ADK: variants seen among roughly 807,000 people sequenced by gnomAD.
ADK encodes adenosine kinase.
A neutral mutation model predicts 44.7 loss-of-function variants in ADK; 24 were observed. The observed-to-expected ratio is 0.54, with a 90% CI of 0.39 to 0.76. The LOEUF is 0.76. Among genes scored for constraint, ADK ranks in the 30% least tolerant of loss-of-function variants. ADK has a pLI of 0.00. For missense variants in ADK, 321 were observed against 425.1 expected (o/e 0.76, Z 2.15); for synonymous variants, 128 against 142.6 (o/e 0.90, Z 0.73).
chr10:74,191,135 C>G (rs1842939893), intron 1 of ADK, among the ~76,000 whole-genome samples: 1 of 152,020 alleles, frequency 6.6e-6, no homozygotes, highest in Non-Finnish European at 1.5e-5. Flanking sequence ...CACCTGCCAC[C>G]ATGCCCAGCT....
chr10:74,542,496 T>A (rs1184230206), intron 7 of ADK, among the ~76,000 whole-genome samples: 1 of 152,194 alleles, frequency 6.6e-6, no homozygotes, highest in African/African-American at 2.4e-5. Flanking sequence ...AGTTAGTTCC[T>A]TTCCCCTTCA....
chr10:74,606,027 T>C (rs7084146), intron 9 of ADK, among the ~76,000 whole-genome samples: 3,280 of 152,282 alleles, frequency 0.022, 130 homozygotes, highest in African/African-American at 0.075. Context: ...AGTTTATTTG[T>C]GTAGAGATGT....
intron 4 of ADK, among the ~76,000 whole-genome samples, chr10:74,359,301 T>TTCCACAGAAGCTATATAG (rs1195285915): frequency 2.6e-5 from 4 of 152,146 alleles, no homozygotes; most frequent in African/African-American, 9.7e-5. Flanking sequence ...CTATTTGGGG[T>TTCCACAGAAGCTATATAG]CTTCTGTGGT....
chr10:74,473,217 CAT>C (rs1846674410), intron 6 of ADK, among the ~76,000 whole-genome samples: 1 of 144,876 alleles, frequency 6.9e-6, no homozygotes, highest in African/African-American at 2.5e-5. Context: ...CACACACACA[CAT>C]ATAGAGAGAG....
chr10:74,703,758 G>C (rs1220130828), intron 10 of ADK, among the ~76,000 whole-genome samples: 1 of 152,176 alleles, frequency 6.6e-6, no homozygotes, highest in Non-Finnish European at 1.5e-5. Context: ...CTGTAGCTAT[G>C]TAAGAGAATA....
intron 6 of ADK, among the ~76,000 whole-genome samples, chr10:74,486,937 T>C (rs1337488694): frequency 6.6e-6 from 1 of 152,176 alleles, no homozygotes; most frequent in East Asian, 1.9e-4. Flanking sequence ...ATTTGTTATA[T>C]TTAAGGTTAT....
intron 7 of ADK, among the ~76,000 whole-genome samples, chr10:74,539,307 C>G (rs1484727110): frequency 1.3e-5 from 2 of 152,138 alleles, no homozygotes; most frequent in Non-Finnish European, 2.9e-5. Flanking sequence ...GGATTACAGG[C>G]ATGAGCGACC....
At chr10:74,617,743 G>T (rs7921187) in intron 9 of ADK, among the ~76,000 whole-genome samples, 1 of 151,702 alleles carries the variant, frequency 6.6e-6, no homozygotes, top group Admixed American at 6.6e-5. Flanking sequence ...TTACAGGCAC[G>T]TACCACCACG....
chr10:74,200,086 G>C (rs971586553), intron 1 of ADK, among the ~76,000 whole-genome samples: 1 of 150,824 alleles, frequency 6.6e-6, no homozygotes, highest in Non-Finnish European at 1.5e-5. Flanking sequence ...TTTCACAGGG[G>C]CTAACCTAAT....
intron 3 of ADK, among the ~76,000 whole-genome samples, chr10:74,238,881 A>T (rs77199742): frequency 0.031 from 634 of 20,544 alleles, 4 homozygotes; most frequent in African/African-American, 0.097. Flanking sequence ...TTTTTTTTTT[A>T]AGACGGAGTC....
At chr10:74,431,888 A>C (rs1435320143) in intron 6 of ADK, among the ~76,000 whole-genome samples, 1 of 152,092 alleles carries the variant, frequency 6.6e-6, no homozygotes, top group African/African-American at 2.4e-5. Flanking sequence ...AGGCTTTCTG[A>C]GCTCTTCTTT....
chr10:74,407,783 G>C (rs1018949747), intron 6 of ADK, among the ~76,000 whole-genome samples: 11 of 152,098 alleles, frequency 7.2e-5, no homozygotes, highest in African/African-American at 2.7e-4. Flanking sequence ...TAATTGTAGC[G>C]CTTACCTTAT....
At chr10:74,294,931 C>T (rs1839756929) in intron 3 of ADK, among the ~76,000 whole-genome samples, 1 of 152,038 alleles carries the variant, frequency 6.6e-6, no homozygotes, top group Admixed American at 6.6e-5. Context: ...TCTCGGCTCA[C>T]TGCAGCCTCC....
At chr10:74,467,977 T>A (rs1846421631) in intron 6 of ADK, among the ~76,000 whole-genome samples, 1 of 152,182 alleles carries the variant, frequency 6.6e-6, no homozygotes, top group Non-Finnish European at 1.5e-5. Flanking sequence ...TCCTCATTAG[T>A]TCTCACTACA....
chr10:74,324,588 C>CT (rs200111175), intron 4 of ADK, among the ~76,000 whole-genome samples: 26 of 151,958 alleles, frequency 1.7e-4, no homozygotes, highest in Admixed American at 2.0e-4. Flanking sequence ...GATTTTGTTC[C>CT]TTTTTTTTGT....
At chr10:74,510,458 C>G (rs1300218842) in intron 6 of ADK, among the ~76,000 whole-genome samples, 2 of 152,088 alleles carry the variant, frequency 1.3e-5, no homozygotes, top group Non-Finnish European at 2.9e-5. Flanking sequence ...TAGTATTAAT[C>G]CCCTATCTGA....
At chr10:74,603,779 T>C (rs1852224905) in intron 9 of ADK, among the ~76,000 whole-genome samples, 1 of 152,240 alleles carries the variant, frequency 6.6e-6, no homozygotes, top group South Asian at 2.1e-4. Context: ...ATGAGATTGC[T>C]GGATCAAATG....
intron 6 of ADK, among the ~76,000 whole-genome samples, chr10:74,517,688 C>CAAAA (rs543658712): frequency 1.0e-5 from 1 of 95,496 alleles, no homozygotes; most frequent in African/African-American, 3.7e-5. Context: ...GTCTCTGTCT[C>CAAAA]AAAAAAAAAA....
chr10:74,458,712 C>T (rs1036639059), intron 6 of ADK, among the ~76,000 whole-genome samples: 14 of 152,078 alleles, frequency 9.2e-5, no homozygotes, highest in Admixed American at 2.6e-4. Context: ...CTTTTCACAG[C>T]TCCCAAAACA....
Sources: gnomAD v4.1 joint callset for allele counts (sites outside exome capture counted in the v4.1 genomes callset) on GRCh38, gnomAD v4.1.1 for gene constraint, MANE v1.5 for transcripts, NCBI Gene and HGNC (gene_info 2026-07-23, HGNC 2026-07-21) for gene names.